The following STYXL2 variants were observed in gnomAD, a reference collection of about 807,000 sequenced individuals.
STYXL2 encodes the protein serine/threonine/tyrosine interacting like 2, also known as serine/threonine/tyrosine-interacting-like protein 2.
A neutral mutation model predicts 52.4 loss-of-function variants in STYXL2; 44 were observed. That is an observed-to-expected ratio of 0.84 (90% CI 0.66 to 1.08). STYXL2 has a LOEUF of 1.08. STYXL2 is among the 50% of genes least tolerant of loss of function. STYXL2 has a pLI of 0.00. For synonymous variants in STYXL2, 604 were observed against 586.9 expected (o/e 1.03, Z -0.42); for missense variants, 1,604 against 1,471.7 (o/e 1.09, Z -1.47).
chr1:167,102,300 T>TAAA (rs139540519), intron 2 of STYXL2, among the ~76,000 whole-genome samples: 9 of 113,562 alleles, frequency 7.9e-5, no homozygotes, highest in African/African-American at 2.6e-4. Flanking sequence ...AGCTGTTTTT[T>TAAA]AAAAATATAT....
Position 167,126,114 on chromosome 1 carries a change from C to T in STYXL2, c.983C>T (p.Ser328Phe). ...DDSASHLSGS[S>F]LGKATQASKP... ...AGCGCCAGCCACCTGAGTGGCTCCT[C>T]CCTGGGGAAGGCCACCCAGGCCTCC... Residue 328 changes from serine (S) to phenylalanine (F), a missense_variant, in exon 6 of 6, where the codon TCC becomes TTC. Coordinates refer to ENST00000361200, the MANE Select transcript of STYXL2 (RefSeq NM_001080426.3). 6.6e-7 allele frequency: 1 copy of T among 1,513,906 alleles called. No homozygotes were observed. Among genetic ancestry groups the T allele is most frequent in the Non-Finnish European group, 8.8e-7 (1 of 1,133,950 alleles). 93.8% of individuals were successfully genotyped at this position (1,513,906 alleles called of 1,614,324 possible).
rs1295171280 is a variant in STYXL2 at position 167,126,470 on chromosome 1, G to A, written c.1339G>A (p.Asp447Asn). The A allele has an allele frequency of 1.3e-6, 2 of 1,599,368 alleles. No homozygotes were observed. Among genetic ancestry groups the A allele is most frequent in the East Asian group, 2.3e-5 (1 of 44,270 alleles). ...CGCCTGGGAGAGCGTGAGCAGCCACGACATCTGGGTCCTGAAGCAGCAGCT... is the reference window on the plus strand; with the variant it reads ...CGCCTGGGAGAGCGTGAGCAGCCACAACATCTGGGTCCTGAAGCAGCAGCT... Reference protein sequence around the residue: ...SSAWESVSSHDIWVLKQQLEL... With the variant: ...SSAWESVSSHNIWVLKQQLEL... Residue 447 changes from aspartate (D) to asparagine (N), a missense_variant, in exon 6 of 6, where the codon GAC becomes AAC. By Grantham distance (23) the Asp-to-Asn change is conservative. Coordinates refer to ENST00000361200, the MANE Select transcript of STYXL2 (RefSeq NM_001080426.3).
intron 2 of STYXL2, among the ~76,000 whole-genome samples, chr1:167,101,504 G>A (rs1346532534): frequency 1.3e-5 from 2 of 152,150 alleles, no homozygotes; most frequent in Non-Finnish European, 2.9e-5. Context: ...ATACTCAAGA[G>A]AAATGAAGGC....
chr1:167,117,287 G>A lies in STYXL2; in HGVS notation c.206-41G>A, dbSNP rs530324682. 1.7e-5 allele frequency: 26 copies of A among 1,530,032 alleles called. No homozygotes were observed. In the South Asian group the frequency reaches 2.0e-4, roughly 12 times the overall value. 94.8% of individuals were successfully genotyped at this position (1,530,032 alleles called of 1,614,324 possible). The stretch of plus-strand genomic sequence containing the variant: ...CCCCAGGAACAAGGAAGGCCATGAT[G>A]TTCCTAACTCTCTGATGAGAATGCT... On this transcript the variant is annotated intron_variant, in intron 3 of 5. Coordinates refer to ENST00000361200, the MANE Select transcript of STYXL2 (RefSeq NM_001080426.3).
intron 2 of STYXL2, among the ~76,000 whole-genome samples, chr1:167,097,306 T>C (rs1402534729): frequency 2.6e-5 from 4 of 152,362 alleles, no homozygotes; most frequent in Middle Eastern, 3.4e-3. Context: ...TGGAAGTTCC[T>C]GGTTTCTTTG....
chr1:167,112,032 CT>C (rs1166525597), intron 2 of STYXL2, among the ~76,000 whole-genome samples: 1 of 152,136 alleles, frequency 6.6e-6, no homozygotes, highest in East Asian at 1.9e-4. Context: ...AAGGAGTAGC[CT>C]GTGAATCTAC....
At position 167,120,889 on chromosome 1, in the gene STYXL2, G is replaced by A. The variant is rs796878952; in HGVS notation, c.655+1423G>A. Among the ~76,000 whole-genome samples the A allele has an allele frequency of 2.8e-4, 23 of 83,564 alleles. 2 individuals are homozygous for A. Among genetic ancestry groups the A allele is most frequent in the Non-Finnish European group, 6.1e-4 (21 of 34,506 alleles). 54.8% of individuals were successfully genotyped at this position (83,564 alleles called of 152,430 possible). A position where few individuals can be genotyped will look rare whatever the true frequency, so the allele number is the denominator to read the frequency against. On this transcript the variant is annotated intron_variant, in intron 5 of 5. Coordinates refer to ENST00000361200, the MANE Select transcript of STYXL2 (RefSeq NM_001080426.3). ...ATATATATATATATATATATATACAGAGAGAGAGAGAGGTATGTATGTGTA... is the reference window on the plus strand; with the variant it reads ...ATATATATATATATATATATATACAAAGAGAGAGAGAGGTATGTATGTGTA...
In STYXL2 at chr1:167,126,428, A is replaced by C. The variant is rs1220821736; in HGVS notation, c.1297A>C (p.Thr433Pro). The change falls in exon 6 of 6, where the codon ACC becomes CCC. Residue 433 changes from threonine (T) to proline (P), a missense_variant. Physicochemically the swap from Thr to Pro is conservative, Grantham distance 38. Transcript: ENST00000361200. ...AGSSVGRRRR[T>P]LSESSAWESV... is the part of the protein sequence containing the mutation. ...CTCCTCGGTGGGGAGGCGGCGGCGC[A>C]CCCTGAGCGAGAGCAGCGCCTGGGA... 1 of 1,566,566 alleles carries C rather than the reference A, an allele frequency of 6.4e-7. No homozygotes were observed.
At chr1:167,103,676 C>T (rs1295614547) in intron 2 of STYXL2, among the ~76,000 whole-genome samples, 1 of 152,190 alleles carries the variant, frequency 6.6e-6, no homozygotes, top group East Asian at 1.9e-4. Flanking sequence ...AGAGATTCAT[C>T]CATCTCACAG....
chr1:167,114,825 T>C (rs192235069), intron 3 of STYXL2, among the ~76,000 whole-genome samples: 3 of 152,302 alleles, frequency 2.0e-5, no homozygotes, highest in Admixed American at 1.3e-4. Flanking sequence ...TGTCCCAAGA[T>C]ATCTTGCCCA....
rs373488300 is a variant in STYXL2, at chr1:167,126,445, C to T, written c.1314C>T (p.Ser438=). ...GGCGGCGCACCCTGAGCGAGAGCAG[C>T]GCCTGGGAGAGCGTGAGCAGCCACG... ...GRRRRTLSES[S]AWESVSSHDI... The change falls in exon 6 of 6, where the codon AGC becomes AGT. Residue 438 remains serine (S), a synonymous_variant. Transcript: ENST00000361200. The T allele has an allele frequency of 1.1e-4, 166 of 1,578,250 alleles. No homozygotes were observed. In the African/African-American group the frequency reaches 2.0e-3, roughly 19 times the overall value.
chr1:167,104,785 C>T (rs1480555786), intron 2 of STYXL2, among the ~76,000 whole-genome samples: 1 of 151,876 alleles, frequency 6.6e-6, no homozygotes, highest in Non-Finnish European at 1.5e-5. Flanking sequence ...TTGCAAAAGC[C>T]CAATCAAGAA....
intron 2 of STYXL2, among the ~76,000 whole-genome samples, chr1:167,111,300 A>G (rs1667610841): frequency 1.3e-5 from 2 of 151,732 alleles, no homozygotes; most frequent in Non-Finnish European, 2.9e-5. Context: ...AAGTAGATCT[A>G]CCATTTGATC....
chr1:167,100,171 C>G (rs1479961713), intron 2 of STYXL2, among the ~76,000 whole-genome samples: 3 of 152,218 alleles, frequency 2.0e-5, no homozygotes, highest in Admixed American at 2.0e-4. Flanking sequence ...ATGCAAGAGG[C>G]AGCCTCACTT....
chr1:167,105,149 T>C (rs1667483862), intron 2 of STYXL2, among the ~76,000 whole-genome samples: 1 of 151,086 alleles, frequency 6.6e-6, no homozygotes, highest in African/African-American at 2.4e-5. Flanking sequence ...CTTCCTTCCT[T>C]CTTTCCTTCC....
chr1:167,116,651 G>GTTTTTTT (rs57553225), intron 3 of STYXL2, among the ~76,000 whole-genome samples: 4 of 113,762 alleles, frequency 3.5e-5, no homozygotes, highest in East Asian at 2.6e-4. Flanking sequence ...TTTTTTTTTG[G>GTTTTTTT]TTTTTTTTTT....
In STYXL2 at chr1:167,128,547, C is replaced by A; in HGVS notation, c.3416C>A (p.Ala1139Asp). ...EEEMDDEAIIAAWRRRQEETR... is the reference protein window; with the variant it reads ...EEEMDDEAIIDAWRRRQEETR... ...GAAATGGACGATGAAGCCATCATTG[C>A]TGCTTGGAGACGCCGGCAAGAAGAA... is the stretch of plus-strand genomic sequence containing the variant. The change falls in exon 6 of 6, where the codon GCT becomes GAT. Residue 1139 changes from alanine to aspartate, a missense_variant. Transcript: ENST00000361200. 6.2e-7 allele frequency: 1 copy of A among 1,613,870 alleles called. No individual in the cohort carries two copies. Among genetic ancestry groups the A allele is most frequent in the Non-Finnish European group, 8.5e-7 (1 of 1,180,006 alleles).
chr1:167,124,798 G>T (rs941736636), intron 5 of STYXL2, among the ~76,000 whole-genome samples: 5 of 152,128 alleles, frequency 3.3e-5, no homozygotes, highest in Admixed American at 2.6e-4. Flanking sequence ...TGAGTTCATT[G>T]TGTGACATAT....
chr1:167,106,189 G>T (rs1448670948), intron 2 of STYXL2, among the ~76,000 whole-genome samples: 6 of 152,148 alleles, frequency 3.9e-5, no homozygotes, highest in African/African-American at 1.4e-4. Context: ...AGGGAAAGTG[G>T]CAGGATGGAG....
Sources: gnomAD v4.1 joint callset for allele counts (sites outside exome capture counted in the v4.1 genomes callset) on GRCh38, gnomAD v4.1.1 for gene constraint, MANE v1.5 for transcripts, NCBI Gene and HGNC (gene_info 2026-07-23, HGNC 2026-07-21) for gene names.